Variants in SLC7A8 observed in about 807,000 individuals in gnomAD.
The protein encoded by SLC7A8 is large neutral amino acids transporter small subunit 2.
A neutral mutation model predicts 51.2 loss-of-function variants in SLC7A8; 30 were observed. The ratio of observed to expected loss-of-function variants is 0.59; its 90% CI spans 0.44 to 0.80. SLC7A8 has a LOEUF of 0.80. SLC7A8 is among the 30% of genes least tolerant of loss of function. The pLI is 0.00. For synonymous variants in SLC7A8, 257 were observed against 275.8 expected, an observed-to-expected ratio of 0.93 and a Z score of 0.67; for missense variants, 612 against 674.4, an observed-to-expected ratio of 0.91 and a Z score of 1.03.
chr14:23,129,279 T>G (rs1177635572), intron 9 of SLC7A8: 2 of 172,112 alleles, frequency 1.2e-5, no homozygotes, highest in South Asian at 1.7e-4. Context: ...GAAGTCATTC[T>G]GGGATGGAGA....
chr14:23,128,038 C>T lies in SLC7A8; in HGVS notation c.1422G>A (p.Lys474=). ...ACTCACCAATGAAGTCACTGAAACA[C>T]TTGGGCTTGTGTTGCCAGTAAACAC... ...FLGVYWQHKP[K]CFSDFIELLT... The change falls in exon 10 of 11, where the codon AAG becomes AAA. Residue 474 remains lysine, a synonymous_variant. Coordinates refer to ENST00000316902, the MANE Select transcript of SLC7A8 (RefSeq NM_012244.4). The surrounding 1 kb of genome is among the most constrained non-coding windows in gnomAD (Gnocchi z 4.3). The T allele has an allele frequency of 6.2e-7, 1 of 1,614,050 alleles. No homozygotes were observed. The highest frequency in any genetic ancestry group is 1.1e-5 in the South Asian group (1 of 91,058).
At chr14:23,166,677 G>A (rs112007183) in intron 1 of SLC7A8, 137 bp from the exon 2 acceptor site, 8 of 846,606 alleles carry the variant, frequency 9.4e-6, no homozygotes, top group African/African-American at 5.0e-5. Flanking sequence ...GCAGGCAGGT[G>A]TGCCTAGCAA....
intron 3 of SLC7A8, among the ~76,000 whole-genome samples, chr14:23,160,442 G>A (rs2048915199): frequency 6.6e-6 from 1 of 152,020 alleles, no homozygotes; most frequent in Non-Finnish European, 1.5e-5. Context: ...GTGGTGGCGG[G>A]CGCCTATAGT....
At position 23,155,365 on chromosome 14, in the gene SLC7A8, C is replaced by T. The variant is rs192532895; in HGVS notation, c.508+9920G>A. On this transcript the variant is annotated intron_variant, in intron 3 of 10. Transcript: ENST00000316902. Reference sequence around the variant, plus strand: ...CCTGCCCATACTGCCCCATCCCCTCCCCTCCTCCCTTCCTGGCTCTCTCTT... The same window carrying T: ...CCTGCCCATACTGCCCCATCCCCTCTCCTCCTCCCTTCCTGGCTCTCTCTT... 48 of 1,511,952 alleles carry T rather than the reference C, an allele frequency of 3.2e-5. 1 individual carries two copies. In the South Asian group the frequency reaches 4.6e-4, roughly 15 times the overall value. 93.7% of individuals were successfully genotyped at this position (1,511,952 alleles called of 1,614,324 possible).
intron 3 of SLC7A8, among the ~76,000 whole-genome samples, chr14:23,157,700 C>T (rs766947378): frequency 6.6e-6 from 1 of 152,176 alleles, no homozygotes; most frequent in Non-Finnish European, 1.5e-5. Context: ...CATTCTACTC[C>T]ACCCTCCCTC....
Position 23,131,453 on chromosome 14 carries a change from G to T in SLC7A8, c.1113+8C>A, listed in dbSNP as rs12436035. On this transcript the variant is annotated splice_region_variant and intron_variant, in intron 8 of 10. Transcript: ENST00000316902. ...TGTGTGGAGAGTTACAGCAGGAAGGGCCCTTACTGTGAAGAGCAGGGCTGG... is the reference window on the plus strand; with the variant it reads ...TGTGTGGAGAGTTACAGCAGGAAGGTCCCTTACTGTGAAGAGCAGGGCTGG... The T allele has an allele frequency of 0.25, 392,886 of 1,578,006 alleles. 53,761 individuals are homozygous for T. Among genetic ancestry groups the T allele is most frequent in the Admixed American group, 0.43 (23,379 of 54,222 alleles).
At chr14:23,154,701 C>G (rs1377719938) in intron 3 of SLC7A8, among the ~76,000 whole-genome samples, 3 of 152,162 alleles carry the variant, frequency 2.0e-5, no homozygotes, top group Non-Finnish European at 4.4e-5. Context: ...TCTGCCCACG[C>G]AGGCCACACG....
intron 3 of SLC7A8, among the ~76,000 whole-genome samples, chr14:23,161,086 A>T (rs1037000935): frequency 1.3e-5 from 2 of 151,916 alleles, no homozygotes; most frequent in Admixed American, 1.3e-4. Flanking sequence ...CATAAGTGTG[A>T]TCCAAGTCTG....
intron 3 of SLC7A8, among the ~76,000 whole-genome samples, chr14:23,153,635 C>A (rs2048866548): frequency 6.6e-6 from 1 of 152,172 alleles, no homozygotes; most frequent in African/African-American, 2.4e-5. Flanking sequence ...ATCCATTGCT[C>A]CCAGGGCTTT....
rs138685465 is a variant in SLC7A8, at chr14:23,127,411, C to T, written c.1442-68G>A. 1.5e-4 allele frequency: 240 copies of T among 1,572,120 alleles called. 1 individual carries two copies. Among genetic ancestry groups the T allele is most frequent in the African/African-American group, 5.5e-4 (41 of 74,370 alleles). Reference sequence around the variant, plus strand: ...TCCCACCAACCTGGCCAAGTGGCCCCGGCCCTTCCTGGCTCTCCTGCTCCA... The same window carrying T: ...TCCCACCAACCTGGCCAAGTGGCCCTGGCCCTTCCTGGCTCTCCTGCTCCA... On this transcript the variant is annotated intron_variant, in intron 10 of 10. Transcript: ENST00000316902.
chr14:23,172,377 A>G (rs1326716334), intron 1 of SLC7A8, among the ~76,000 whole-genome samples: 1 of 152,236 alleles, frequency 6.6e-6, no homozygotes, highest in Non-Finnish European at 1.5e-5. Context: ...ATTGCATCTC[A>G]AAAGGTATTT....
chr14:23,180,572 A>G (rs1417261822), intron 1 of SLC7A8, among the ~76,000 whole-genome samples: 1 of 152,194 alleles, frequency 6.6e-6, no homozygotes, highest in Non-Finnish European at 1.5e-5. Context: ...TTTTCATCAC[A>G]GAACACCAGA....
chr14:23,144,273 T>C (rs1452056338), intron 3 of SLC7A8, among the ~76,000 whole-genome samples: 2 of 151,936 alleles, frequency 1.3e-5, no homozygotes, highest in African/African-American at 4.8e-5. Context: ...TTTGCATTCC[T>C]ACTCTCATGT....
intron 3 of SLC7A8, among the ~76,000 whole-genome samples, chr14:23,161,600 G>GGGTGGGGGTAGGTA (rs1164318736): frequency 6.8e-6 from 1 of 146,688 alleles, no homozygotes; most frequent in Non-Finnish European, 1.5e-5. Flanking sequence ...GGGGGTAGGT[G>GGGTGGGGGTAGGTA]GGTGGGTGGG....
intron 4 of SLC7A8, among the ~76,000 whole-genome samples, chr14:23,141,222 C>A (rs1384481925): frequency 1.3e-5 from 2 of 152,086 alleles, no homozygotes; most frequent in East Asian, 3.9e-4. Flanking sequence ...GAGTTTGAGG[C>A]TGCAGTGAGC....
At position 23,150,180 on chromosome 14, in the gene SLC7A8, G is replaced by A. The variant is rs1256475833; in HGVS notation, c.509-6976C>T. On this transcript the variant is annotated intron_variant, in intron 3 of 10. Transcript: ENST00000316902. ...TAAACAAATAAATCTTCATTTAGAA[G>A]GTTTTAAGGATGGGTTGGGGAGTCG... Among the ~76,000 whole-genome samples the A allele has an allele frequency of 5.3e-5, 8 of 152,290 alleles. No homozygotes were observed. In the South Asian group the frequency reaches 1.5e-3, roughly 28 times the overall value.
chr14:23,167,616 C>T (rs542738521), intron 1 of SLC7A8, among the ~76,000 whole-genome samples: 48 of 152,176 alleles, frequency 3.2e-4, no homozygotes, highest in African/African-American at 1.2e-3. Context: ...ATGCTTCCTC[C>T]CAAATGTTCC....
rs781531755 is a variant in SLC7A8 at position 23,127,218 on chromosome 14, G to T, written c.1567C>A (p.Pro523Thr). 2 of 1,614,002 alleles carry T rather than the reference G, an allele frequency of 1.2e-6. No homozygotes were observed. The highest frequency in any genetic ancestry group is 2.7e-5 in the African/African-American group (2 of 74,896). Residue 523 changes from proline (P) to threonine (T), a missense_variant, in exon 11 of 11, where the codon CCC becomes ACC. Physicochemically the swap from Pro to Thr is conservative, Grantham distance 38. Transcript: ENST00000316902. ...CCCGCCACGTCCTTGTCCTTCGTGG[G>T]AGTGGGTTGGTACATGGGCTGCTGC... is the stretch of plus-strand genomic sequence containing the variant. Reference protein sequence around the residue: ...EQQQPMYQPTPTKDKDVAGQP... With the variant: ...EQQQPMYQPTTTKDKDVAGQP...
chr14:23,135,262 A>AT (rs998924873), intron 7 of SLC7A8, among the ~76,000 whole-genome samples: 36 of 150,680 alleles, frequency 2.4e-4, no homozygotes, highest in Admixed American at 2.0e-3. Context: ...TAATTTTTGT[A>AT]TTTTTTTTAG....
Sources: allele counts gnomAD v4.1 joint callset (sites outside exome capture counted in the v4.1 genomes callset), GRCh38; gene constraint gnomAD v4.1.1; non-coding constraint Gnocchi (gnomAD v3.1); transcripts MANE v1.5; gene names NCBI Gene and HGNC (gene_info 2026-07-23, HGNC 2026-07-21).